Variants in TCF7 observed in about 807,000 individuals in gnomAD.
TCF7 encodes the protein transcription factor 7.
A neutral mutation model predicts 46.8 loss-of-function variants in TCF7; 19 were observed. The observed-to-expected ratio is 0.41, with a 90% CI of 0.28 to 0.60. The LOEUF (loss-of-function observed/expected upper bound fraction) is 0.60. TCF7 is among the 20% of genes least tolerant of loss of function. TCF7 has a pLI of 0.35. For synonymous variants in TCF7, 245 were observed against 213.4 expected (o/e 1.15, Z -1.29); for missense variants, 547 against 504.6 (o/e 1.08, Z -0.81).
chr5:134,129,717 T>C (rs116840307), intron 3 of TCF7, among the ~76,000 whole-genome samples: 2,022 of 152,330 alleles, frequency 0.013, 36 homozygotes, highest in African/African-American at 0.045. Flanking sequence ...GTTCCGAGGG[T>C]GCCTCGGGCC....
chr5:134,143,850 T>G, intron 9 of TCF7: 1 of 578,170 alleles, frequency 1.7e-6, no homozygotes, highest in Non-Finnish European at 3.1e-6. Context: ...CCAGCAGAAC[T>G]GGCTTCTGCT....
upstream of TCF7, among the ~76,000 whole-genome samples, chr5:134,113,361 C>T (rs1323522340): frequency 2.6e-5 from 4 of 152,310 alleles, no homozygotes; most frequent in Admixed American, 6.5e-5. Flanking sequence ...GCTGGGCGGG[C>T]ACAGATAGGA....
At chr5:134,137,226 C>G (rs1484331207) in intron 3 of TCF7, among the ~76,000 whole-genome samples, 2 of 152,168 alleles carry the variant, frequency 1.3e-5, no homozygotes, top group Non-Finnish European at 2.9e-5. Context: ...GAGTTTGAGA[C>G]CAGCCTGGTC....
At chr5:134,110,486 A>G (rs560549019), upstream of TCF7, among the ~76,000 whole-genome samples, 11 of 152,324 alleles carry the variant, frequency 7.2e-5, no homozygotes, top group Admixed American at 5.2e-4. Flanking sequence ...ACACACATGG[A>G]CACACACGCC....
chr5:134,139,730 T>G (rs1561688917), intron 5 of TCF7: 1 of 152,352 alleles, frequency 6.6e-6, no homozygotes, highest in Non-Finnish European at 1.5e-5. Context: ...CTAGCCTATT[T>G]CAGAGAGCTG....
intron 3 of TCF7, among the ~76,000 whole-genome samples, chr5:134,136,947 G>A (rs1758948861): frequency 1.3e-5 from 2 of 152,306 alleles, no homozygotes; most frequent in South Asian, 4.1e-4. Context: ...TTTCAAAGTG[G>A]GAAGTTGAAC....
rs558928796 is a variant in TCF7 at position 134,141,887 on chromosome 5, C to G, written c.636-298C>G. The G allele has an allele frequency of 6.1e-5, 16 of 262,278 alleles. 1 individual carries two copies. The highest frequency in any genetic ancestry group is 2.3e-3 in the Middle Eastern group (2 of 868). 16.2% of individuals were successfully genotyped at this position (262,278 alleles called of 1,614,324 possible). On this transcript the variant is annotated intron_variant, in intron 5 of 9. Transcript: ENST00000342854. Reference sequence around the variant, plus strand: ...AGGCCTCACAGGGCAGCCACAGGCTCCTGAGGCTGGGTTGGTAGGGGAAGG... The same window carrying G: ...AGGCCTCACAGGGCAGCCACAGGCTGCTGAGGCTGGGTTGGTAGGGGAAGG...
chr5:134,145,553 A>G, intron 9 of TCF7: 1 of 640,534 alleles, frequency 1.6e-6, no homozygotes, highest in Non-Finnish European at 2.7e-6. Flanking sequence ...CAGGGCTAAG[A>G]TAGAGGGTAC....
upstream of TCF7, among the ~76,000 whole-genome samples, chr5:134,114,002 T>C (rs571038426): frequency 6.6e-6 from 1 of 152,284 alleles, no homozygotes; most frequent in East Asian, 1.9e-4. Context: ...GAGGATCGGC[T>C]GAGGTCCGGT....
chr5:134,141,973 C>A, intron 5 of TCF7: 1 of 527,862 alleles, frequency 1.9e-6, no homozygotes, highest in Non-Finnish European at 3.1e-6. Context: ...ATCTGAATGG[C>A]AATCTATGTA....
chr5:134,145,045 G>A lies in TCF7; in HGVS notation c.1076-1179G>A, dbSNP rs143557732. The stretch of plus-strand genomic sequence containing the variant: ...GTAAATACTGAACACAGCGCGTGGA[G>A]AAGACCACTTGGGTCTAAGTGCAGG... On this transcript the variant is annotated intron_variant, in intron 9 of 9. Coordinates refer to ENST00000342854, the MANE Select transcript of TCF7 (RefSeq NM_003202.5). 6.4e-4 allele frequency: 417 copies of A among 653,304 alleles called. 1 individual carries two copies. The highest frequency in any genetic ancestry group is 5.0e-3 in the East Asian group (182 of 36,302). The allele number at this position is 653,304 out of a possible 1,614,324, so 40.5% of individuals were successfully genotyped here.
intron 3 of TCF7, 71 bp downstream of exon 3, chr5:134,116,104 A>G: frequency 6.6e-7 from 1 of 1,526,660 alleles, no homozygotes; most frequent in Non-Finnish European, 8.8e-7. Context: ...AGGCACCGGC[A>G]AGAGACTTCT....
At chr5:134,140,711 C>A in intron 5 of TCF7, 1 of 441,704 alleles carries the variant, frequency 2.3e-6, no homozygotes. Flanking sequence ...CAGGATGGGT[C>A]AAGGCCTGCC....
intron 3 of TCF7, 34 bp from the exon 4 acceptor site, chr5:134,138,025 G>A (rs774198453): frequency 1.8e-5 from 27 of 1,527,056 alleles, no homozygotes; most frequent in South Asian, 8.4e-5. Context: ...CTCAGGACTC[G>A]CCACACTCAC....
At chr5:134,141,054 G>A (rs891897986) in intron 5 of TCF7, 5 of 312,896 alleles carry the variant, frequency 1.6e-5, no homozygotes, top group Non-Finnish European at 3.1e-5. Context: ...AATGAAGCTA[G>A]TGCAAGTGCC....
chr5:134,110,691 G>A (rs1755316424), upstream of TCF7, among the ~76,000 whole-genome samples: 1 of 152,206 alleles, frequency 6.6e-6, no homozygotes, highest in Admixed American at 6.5e-5. Context: ...CAGGCGGGCT[G>A]GTGAGCAGGA....
At chr5:134,117,542 A>G (rs1263463004) in intron 3 of TCF7, among the ~76,000 whole-genome samples, 1 of 152,248 alleles carries the variant, frequency 6.6e-6, no homozygotes, top group Non-Finnish European at 1.5e-5. Flanking sequence ...ACAGCAGCAC[A>G]GGGAAAAGGC....
chr5:134,142,999 G>A lies in TCF7; in HGVS notation c.925G>A (p.Ala309Thr), dbSNP rs760472196. 3.1e-6 allele frequency: 5 copies of A among 1,613,152 alleles called. No individual in the cohort carries two copies. The highest frequency in any genetic ancestry group is 1.3e-5 in the African/African-American group (1 of 75,058). ...INQILGRRWH[A>T]LSREEQAKYY... Reference sequence around the variant, plus strand: ...CCCCTCTTCCCTGTTGCAGTGGCACGCGCTGTCGCGAGAAGAGCAGGCCAA... The same window carrying A: ...CCCCTCTTCCCTGTTGCAGTGGCACACGCTGTCGCGAGAAGAGCAGGCCAA... Residue 309 changes from alanine (A) to threonine (T), a missense_variant, in exon 8 of 10, where the codon GCG becomes ACG. Physicochemically the swap from Ala to Thr is moderately conservative, Grantham distance 58. Around this residue, in one of 3 missense-constraint regions of TCF7, gnomAD observed 32 missense variants for 65.9 expected, o/e 0.49. Coordinates refer to ENST00000342854, the MANE Select transcript of TCF7 (RefSeq NM_003202.5).
chr5:134,134,588 C>G (rs1302541852), intron 3 of TCF7, among the ~76,000 whole-genome samples: 1 of 152,154 alleles, frequency 6.6e-6, no homozygotes, highest in Admixed American at 6.5e-5. Flanking sequence ...AGGAAACTTC[C>G]TACTTTAACA....
Sources: gnomAD v4.1 joint callset for allele counts (sites outside exome capture counted in the v4.1 genomes callset) on GRCh38, gnomAD v4.1.1 for gene constraint, gnomAD v4.1.1 regional missense constraint, MANE v1.5 for transcripts, NCBI Gene and HGNC (gene_info 2026-07-23, HGNC 2026-07-21) for gene names.